Variants in KCNH7 observed in about 807,000 individuals in gnomAD.
KCNH7 encodes voltage-gated inwardly rectifying potassium channel KCNH7.
In KCNH7, 49 loss-of-function variants were observed where a neutral mutation model predicts 120.8. The ratio of observed to expected loss-of-function variants is 0.41; its 90% CI spans 0.32 to 0.51. KCNH7 has a LOEUF of 0.51. Ranked by LOEUF, KCNH7 falls within the 20% of genes least tolerant of loss-of-function variation. The probability of loss-of-function intolerance (pLI) is 0.38; values close to 1 mark genes in which losing one functional copy is unlikely to be tolerated. For synonymous variants in KCNH7, 547 were observed against 516.1 expected (o/e 1.06, Z -0.81); for missense variants, 1,097 against 1,446.6 (o/e 0.76, Z 3.92).
intron 10 of KCNH7, among the ~76,000 whole-genome samples, chr2:162,399,297 A>C (rs767546360): frequency 8.6e-5 from 13 of 151,588 alleles, no homozygotes; most frequent in Non-Finnish European, 1.6e-4. Flanking sequence ...TAATATTCTA[A>C]AGAAGTACTA....
At chr2:162,450,870 A>G (rs1323335877) in intron 6 of KCNH7, among the ~76,000 whole-genome samples, 1 of 152,008 alleles carries the variant, frequency 6.6e-6, no homozygotes, top group Admixed American at 6.6e-5. Flanking sequence ...AAGTAATGGA[A>G]GCCTACACTA....
At position 162,449,730 on chromosome 2, in the gene KCNH7, G is replaced by A. The variant is rs527428604; in HGVS notation, c.1129-3287C>T. Among the ~76,000 whole-genome samples the A allele has an allele frequency of 2.0e-5, 3 of 152,138 alleles. No individual in the cohort carries two copies. In the South Asian group the frequency reaches 6.2e-4, roughly 32 times the overall value. ...GATGTATTTTCCCTCAGAACCTCCAGAAGGAAACAACCTTGCCCACATCTT... is the reference window on the plus strand; with the variant it reads ...GATGTATTTTCCCTCAGAACCTCCAAAAGGAAACAACCTTGCCCACATCTT... On this transcript the variant is annotated intron_variant, in intron 6 of 15. Transcript: ENST00000332142.
intron 7 of KCNH7, among the ~76,000 whole-genome samples, chr2:162,444,762 C>T (rs1688528359): frequency 6.6e-6 from 1 of 152,016 alleles, no homozygotes; most frequent in South Asian, 2.1e-4. Flanking sequence ...TTATAAGAAA[C>T]TCAAAGATAT....
At chr2:162,544,587 C>T (rs957134037) in intron 2 of KCNH7, among the ~76,000 whole-genome samples, 5 of 152,108 alleles carry the variant, frequency 3.3e-5, no homozygotes, top group African/African-American at 1.2e-4. Context: ...CTTCATTAAG[C>T]CAAGACTCTG....
chr2:162,745,564 G>A (rs62171388), intron 2 of KCNH7, among the ~76,000 whole-genome samples: 1 of 151,950 alleles, frequency 6.6e-6, no homozygotes, highest in Non-Finnish European at 1.5e-5. Context: ...TAGTAAGCAT[G>A]ACTTCTATTG....
intron 2 of KCNH7, among the ~76,000 whole-genome samples, chr2:162,664,750 A>T (rs1685078974): frequency 6.6e-6 from 1 of 152,156 alleles, no homozygotes; most frequent in Non-Finnish European, 1.5e-5. Context: ...TATTGTTTTC[A>T]GTTAGTATAC....
rs757740194 is a variant in KCNH7 at position 162,629,325 on chromosome 2, C to G, written c.308-92245G>C. On this transcript the variant is annotated intron_variant, in intron 2 of 15. Coordinates refer to ENST00000332142, the MANE Select transcript of KCNH7 (RefSeq NM_033272.4). ...CCTTTCCTGGCCATTACTTCCCCCA[C>G]CATTCCCATTGCCATTTCTTCCCCC... 4.6e-5 allele frequency among the ~76,000 whole-genome samples: 7 copies of G among 152,048 alleles called. 1 individual carries two copies. Among genetic ancestry groups the G allele is most frequent in the Admixed American group, 4.6e-4 (7 of 15,254 alleles).
intron 2 of KCNH7, among the ~76,000 whole-genome samples, chr2:162,576,883 C>G (rs1353494747): frequency 1.3e-5 from 2 of 151,744 alleles, no homozygotes; most frequent in Non-Finnish European, 2.9e-5. Context: ...TAAACTCTTC[C>G]TGCAATTTCT....
intron 3 of KCNH7, among the ~76,000 whole-genome samples, chr2:162,526,520 C>G (rs573667563): frequency 6.6e-6 from 1 of 152,052 alleles, no homozygotes; most frequent in Non-Finnish European, 1.5e-5. Flanking sequence ...GGCCTACACT[C>G]AGGGATGCAT....
chr2:162,550,085 A>G (rs1224018829), intron 2 of KCNH7, among the ~76,000 whole-genome samples: 3 of 152,206 alleles, frequency 2.0e-5, no homozygotes, highest in African/African-American at 4.8e-5. Flanking sequence ...ATATTTTCAA[A>G]CTAATTTCAG....
At chr2:162,541,131 T>C (rs1477836454) in intron 2 of KCNH7, among the ~76,000 whole-genome samples, 1 of 152,070 alleles carries the variant, frequency 6.6e-6, no homozygotes, top group African/African-American at 2.4e-5. Context: ...ACTTTGCAAT[T>C]GTTTATTAGA....
At chr2:162,430,830 T>C (rs1283312677) in intron 8 of KCNH7, among the ~76,000 whole-genome samples, 1 of 151,934 alleles carries the variant, frequency 6.6e-6, no homozygotes, top group East Asian at 1.9e-4. Flanking sequence ...TACATTTGCC[T>C]TTATTTTTCT....
At chr2:162,716,385 G>A (rs1687125935) in intron 2 of KCNH7, among the ~76,000 whole-genome samples, 1 of 151,996 alleles carries the variant, frequency 6.6e-6, no homozygotes, top group African/African-American at 2.4e-5. Context: ...AATTAGGTTT[G>A]GTATTTTAAA....
chr2:162,583,098 A>G (rs1302431732), intron 2 of KCNH7, among the ~76,000 whole-genome samples: 1 of 152,076 alleles, frequency 6.6e-6, no homozygotes, highest in East Asian at 1.9e-4. Flanking sequence ...GTATTTTTGA[A>G]GCTTTAAAAA....
chr2:162,559,733 G>A (rs1692995517), intron 2 of KCNH7, among the ~76,000 whole-genome samples: 1 of 152,160 alleles, frequency 6.6e-6, no homozygotes, highest in Non-Finnish European at 1.5e-5. Context: ...CACATTGATG[G>A]GGTAAGGTGG....
At chr2:162,554,831 G>T (rs1209886739) in intron 2 of KCNH7, among the ~76,000 whole-genome samples, 2 of 152,128 alleles carry the variant, frequency 1.3e-5, no homozygotes, top group African/African-American at 2.4e-5. Flanking sequence ...AGTCCATTTT[G>T]CTATGTAAGG....
At chr2:162,689,926 G>C (rs1686040490) in intron 2 of KCNH7, among the ~76,000 whole-genome samples, 1 of 152,252 alleles carries the variant, frequency 6.6e-6, no homozygotes, top group South Asian at 2.1e-4. Context: ...AATGACACAT[G>C]CATGATGTTC....
chr2:162,720,968 T>C (rs962807179), intron 2 of KCNH7, among the ~76,000 whole-genome samples: 8 of 152,166 alleles, frequency 5.3e-5, no homozygotes, highest in African/African-American at 1.9e-4. Flanking sequence ...TAAATTTAGA[T>C]TATCTACAAA....
At chr2:162,603,740 T>C (rs1272946380) in intron 2 of KCNH7, among the ~76,000 whole-genome samples, 2 of 152,082 alleles carry the variant, frequency 1.3e-5, no homozygotes, top group African/African-American at 2.4e-5. Context: ...ACTTTTTTTT[T>C]CCATTTTATA....
Sources: gnomAD v4.1 joint callset for allele counts (sites outside exome capture counted in the v4.1 genomes callset) on GRCh38, gnomAD v4.1.1 for gene constraint, MANE v1.5 for transcripts, NCBI Gene and HGNC (gene_info 2026-07-23, HGNC 2026-07-21) for gene names.